The following RABGAP1L variants were observed in gnomAD, a reference collection of about 807,000 sequenced individuals.
The protein encoded by RABGAP1L is RAB GTPase activating protein 1 like.
Under a neutral mutation model 137.7 loss-of-function variants are expected in RABGAP1L, and 63 were observed. The ratio of observed to expected loss-of-function variants is 0.46; its 90% CI spans 0.37 to 0.56. The LOEUF (loss-of-function observed/expected upper bound fraction) is 0.56. Ranked by LOEUF, RABGAP1L falls within the 20% of genes least tolerant of loss-of-function variation. The pLI, the probability that RABGAP1L is intolerant of heterozygous loss-of-function variation, is 0.00. For missense variants in RABGAP1L, 1,095 were observed against 1,244.0 expected (o/e 0.88, Z 1.80); for synonymous variants, 431 against 433.7 (o/e 0.99, Z 0.08).
chr1:174,820,082 A>G (rs1690862320), intron 19 of RABGAP1L, among the ~76,000 whole-genome samples: 1 of 152,236 alleles, frequency 6.6e-6, no homozygotes, highest in African/African-American at 2.4e-5. Context: ...GAAAAACTCA[A>G]AAGAACAGCT....
chr1:174,500,080 C>CTTTT (rs1314254264), intron 13 of RABGAP1L, among the ~76,000 whole-genome samples: 1 of 135,576 alleles, frequency 7.4e-6, no homozygotes. Flanking sequence ...CAGGCTTCTT[C>CTTTT]TTTTTTTTTT....
At chr1:174,416,455 A>T in intron 13 of RABGAP1L, among the ~76,000 whole-genome samples, 1 of 152,252 alleles carries the variant, frequency 6.6e-6, no homozygotes, top group South Asian at 2.1e-4. Context: ...AAACTTTAAT[A>T]TTAAATTAAT....
At chr1:174,631,960 C>T (rs1250011411) in intron 13 of RABGAP1L, among the ~76,000 whole-genome samples, 3 of 88,832 alleles carry the variant, frequency 3.4e-5, no homozygotes, top group African/African-American at 1.4e-4. Flanking sequence ...TGATTTTGCT[C>T]GTTAGTTGAT....
chr1:174,764,109 A>G (rs751093042), intron 18 of RABGAP1L, among the ~76,000 whole-genome samples: 5 of 152,140 alleles, frequency 3.3e-5, no homozygotes, highest in Non-Finnish European at 7.4e-5. Flanking sequence ...AATGTTTTCA[A>G]CGTTTATCCA....
chr1:174,570,922 A>T (rs1667928424), intron 13 of RABGAP1L, among the ~76,000 whole-genome samples: 1 of 152,234 alleles, frequency 6.6e-6, no homozygotes, highest in Non-Finnish European at 1.5e-5. Context: ...TGCTGGGTAT[A>T]TACCCAAAAG....
intron 10 of RABGAP1L, among the ~76,000 whole-genome samples, chr1:174,279,676 T>C (rs1233187408): frequency 6.6e-6 from 1 of 152,314 alleles, no homozygotes; most frequent in Admixed American, 6.5e-5. Flanking sequence ...ATTATGGCTG[T>C]TATTTGACTC....
intron 19 of RABGAP1L, among the ~76,000 whole-genome samples, chr1:174,820,475 G>T (rs1690901576): frequency 6.6e-6 from 1 of 152,088 alleles, no homozygotes; most frequent in South Asian, 2.1e-4. Context: ...TACACCACAG[G>T]GTTGAGGAGA....
At chr1:174,614,078 G>C (rs1386292014) in intron 13 of RABGAP1L, among the ~76,000 whole-genome samples, 12 of 152,054 alleles carry the variant, frequency 7.9e-5, no homozygotes, top group African/African-American at 1.7e-4. Flanking sequence ...ATATTGTTAT[G>C]TGTGAATTTG....
intron 14 of RABGAP1L, among the ~76,000 whole-genome samples, chr1:174,681,918 A>G (rs558856096): frequency 1.3e-5 from 2 of 152,210 alleles, no homozygotes; most frequent in African/African-American, 2.4e-5. Context: ...AGTACAACAC[A>G]TAGATGGAAT....
intron 1 of RABGAP1L, among the ~76,000 whole-genome samples, chr1:174,194,178 T>C (rs908304497): frequency 2.6e-5 from 4 of 152,052 alleles, no homozygotes; most frequent in African/African-American, 9.7e-5. Flanking sequence ...TCTTCTCCCT[T>C]GTGGTAATTA....
chr1:174,466,209 C>G (rs1314657054), intron 13 of RABGAP1L, among the ~76,000 whole-genome samples: 1 of 152,180 alleles, frequency 6.6e-6, no homozygotes. Context: ...CTTACTTACT[C>G]AGCACTTCCT....
intron 11 of RABGAP1L, among the ~76,000 whole-genome samples, chr1:174,312,201 AT>A (rs1305263591): frequency 1.3e-5 from 2 of 152,192 alleles, no homozygotes; most frequent in Non-Finnish European, 2.9e-5. Flanking sequence ...ACTAATTTAC[AT>A]TTCCACCAAC....
At chr1:174,905,994 A>T (rs1659009431) in intron 19 of RABGAP1L, among the ~76,000 whole-genome samples, 1 of 152,176 alleles carries the variant, frequency 6.6e-6, no homozygotes, top group African/African-American at 2.4e-5. Context: ...AGAGGGAGCT[A>T]AGCAGAACAA....
intron 7 of RABGAP1L, among the ~76,000 whole-genome samples, chr1:174,259,301 T>G (rs188055202): frequency 6.6e-6 from 1 of 152,180 alleles, no homozygotes; most frequent in Non-Finnish European, 1.5e-5. Flanking sequence ...ACTTAGCTAC[T>G]TACTCCTTAC....
intron 20 of RABGAP1L, chr1:174,964,795 C>A (rs922156557): frequency 7.4e-7 from 1 of 1,358,856 alleles, no homozygotes; most frequent in Non-Finnish European, 9.5e-7. Context: ...TGAATGTTTG[C>A]GGTCACAGAG....
intron 13 of RABGAP1L, among the ~76,000 whole-genome samples, chr1:174,521,852 G>T (rs1304842849): frequency 6.6e-6 from 1 of 152,070 alleles, no homozygotes; most frequent in East Asian, 1.9e-4. Context: ...AGGTTGAGGC[G>T]GGCGGATCAG....
At chr1:174,944,304 G>A (rs1030150749) in intron 19 of RABGAP1L, among the ~76,000 whole-genome samples, 1 of 145,424 alleles carries the variant, frequency 6.9e-6, no homozygotes, top group African/African-American at 2.5e-5. Flanking sequence ...AAGCAAAGTT[G>A]TATGGATAAG....
At chr1:174,329,915 C>T (rs1680875670) in intron 11 of RABGAP1L, among the ~76,000 whole-genome samples, 1 of 149,378 alleles carries the variant, frequency 6.7e-6, no homozygotes. Context: ...TAAAAAAAGA[C>T]TGATTTGAAT....
intron 13 of RABGAP1L, among the ~76,000 whole-genome samples, chr1:174,485,676 C>T (rs1250034880): frequency 6.6e-6 from 1 of 152,142 alleles, no homozygotes; most frequent in African/African-American, 2.4e-5. Flanking sequence ...TCCTTGCATT[C>T]CAGGGATAAA....
Sources: gnomAD v4.1 joint callset for allele counts (sites outside exome capture counted in the v4.1 genomes callset) on GRCh38, gnomAD v4.1.1 for gene constraint, MANE v1.5 for transcripts, NCBI Gene and HGNC (gene_info 2026-07-23, HGNC 2026-07-21) for gene names.